AGMO: variants seen among roughly 807,000 people sequenced by gnomAD.
AGMO encodes the protein alkylglycerol monooxygenase.
A neutral mutation model predicts 60.2 loss-of-function variants in AGMO; 75 were observed. The ratio of observed to expected loss-of-function variants is 1.25; its 90% CI spans 1.03 to 1.51. AGMO has a LOEUF of 1.51. AGMO is among the 40% of genes most tolerant of loss of function. The probability of loss-of-function intolerance (pLI) is 0.00; values close to 1 mark genes in which losing one functional copy is unlikely to be tolerated. For missense variants in AGMO, 763 were observed against 525.5 expected (o/e 1.45, Z -4.42); for synonymous variants, 261 against 177.1 (o/e 1.47, Z -3.76).
At chr7:15,509,904 A>T (rs559730498) in intron 3 of AGMO, among the ~76,000 whole-genome samples, 7 of 152,322 alleles carry the variant, frequency 4.6e-5, no homozygotes, top group African/African-American at 1.7e-4. Context: ...TATTTTTAAA[A>T]GGCAGTAGAT....
chr7:15,378,471 G>A (rs1164082028), intron 10 of AGMO, among the ~76,000 whole-genome samples: 3 of 151,922 alleles, frequency 2.0e-5, no homozygotes, highest in Admixed American at 6.6e-5. Flanking sequence ...GTCCCTTTAT[G>A]GGATCAAATC....
intron 12 of AGMO, among the ~76,000 whole-genome samples, chr7:15,322,641 A>T (rs866191363): frequency 5.1e-4 from 26 of 50,628 alleles, no homozygotes; most frequent in East Asian, 1.3e-3. Flanking sequence ...AATATATATA[A>T]ATATATAAAT....
chr7:15,188,832 G>T, the AGMO span, among the ~76,000 whole-genome samples: 1 of 152,164 alleles, frequency 6.6e-6, no homozygotes, highest in African/African-American at 2.4e-5. Context: ...CTGATCGTTG[G>T]AGTTAACATC....
At chr7:15,222,345 A>AGAGCC (rs1781948434) in intron 12 of AGMO, among the ~76,000 whole-genome samples, 2 of 152,108 alleles carry the variant, frequency 1.3e-5, no homozygotes, top group South Asian at 4.1e-4. Context: ...GAATGAACTT[A>AGAGCC]GAGCCTGATG....
At chr7:15,154,430 C>CT in the AGMO span, among the ~76,000 whole-genome samples, 4 of 152,208 alleles carry the variant, frequency 2.6e-5, no homozygotes, top group East Asian at 7.7e-4. Flanking sequence ...GATAGCAACA[C>CT]TCTCTTTTGG....
rs775057626 is a variant in AGMO at position 15,342,172 on chromosome 7, TAAAAA to T, written c.1263+23337_1263+23341del. On this transcript the variant is annotated intron_variant, in intron 12 of 12. Transcript: ENST00000342526. ...AGCTGAGAGTAGATACCCACAGAGTTAAAAAAAAAAAAAAAAAAAAAAAAGGACTA... is the reference window on the plus strand; with the variant it reads ...AGCTGAGAGTAGATACCCACAGAGTTAAAAAAAAAAAAAAAAAAAGGACTA... Among the ~76,000 whole-genome samples, 325 of 54,302 alleles carry T rather than the reference TAAAAA, an allele frequency of 6.0e-3. 5 individuals carry two copies. The highest frequency in any genetic ancestry group is 0.028 in the African/African-American group (298 of 10,744). 35.6% of individuals were successfully genotyped at this position (54,302 alleles called of 152,430 possible). A position where few individuals can be genotyped will look rare whatever the true frequency, so the allele number is the denominator to read the frequency against.
At chr7:15,218,560 T>G (rs1781817255) in intron 12 of AGMO, among the ~76,000 whole-genome samples, 1 of 149,018 alleles carries the variant, frequency 6.7e-6, no homozygotes, top group South Asian at 2.1e-4. Flanking sequence ...AAAAAAATCT[T>G]AAAATATATT....
the AGMO span, among the ~76,000 whole-genome samples, chr7:15,149,595 T>C: frequency 3.3e-5 from 5 of 152,278 alleles, no homozygotes; most frequent in Middle Eastern, 3.4e-3. Flanking sequence ...CTTACTATTG[T>C]CCATTTTGTC....
At chr7:15,356,412 A>G (rs1480908208) in intron 12 of AGMO, among the ~76,000 whole-genome samples, 1 of 152,188 alleles carries the variant, frequency 6.6e-6, no homozygotes, top group East Asian at 1.9e-4. Flanking sequence ...TTTTTGCAGA[A>G]ATTTTATATA....
At chr7:15,422,260 G>A (rs1188992524) in intron 4 of AGMO, among the ~76,000 whole-genome samples, 1 of 151,400 alleles carries the variant, frequency 6.6e-6, no homozygotes, top group Non-Finnish European at 1.5e-5. Flanking sequence ...GGATGAGGGA[G>A]GAGATATTAC....
At chr7:15,415,940 G>A (rs1002459386) in intron 5 of AGMO, among the ~76,000 whole-genome samples, 1 of 151,066 alleles carries the variant, frequency 6.6e-6, no homozygotes, top group Non-Finnish European at 1.5e-5. Flanking sequence ...TTAAGCAACA[G>A]AGTAGAGTTT....
At chr7:15,459,182 C>T (rs376001309) in intron 3 of AGMO, among the ~76,000 whole-genome samples, 5 of 152,156 alleles carry the variant, frequency 3.3e-5, no homozygotes, top group South Asian at 2.1e-4. Flanking sequence ...GACACACACA[C>T]GGGTTTCGTC....
intron 12 of AGMO, among the ~76,000 whole-genome samples, chr7:15,218,296 A>G (rs1470939805): frequency 6.6e-6 from 1 of 151,114 alleles, no homozygotes; most frequent in Non-Finnish European, 1.5e-5. Context: ...GGAATGAGAG[A>G]CATTAATACT....
chr7:15,550,788 A>G (rs1399144853), intron 2 of AGMO, among the ~76,000 whole-genome samples: 8 of 140,216 alleles, frequency 5.7e-5, no homozygotes, highest in Non-Finnish European at 1.2e-4. Flanking sequence ...ATCAATAGAA[A>G]AAGAGGGAAT....
chr7:15,354,450 G>A lies in AGMO; in HGVS notation c.1263+11064C>T, dbSNP rs781135172. ...CACACGTGTGTGTATACACACGTGT[G>A]TGTATACACACGTGTGTGTATACAC... On this transcript the variant is annotated intron_variant, in intron 12 of 12. Coordinates refer to ENST00000342526, the MANE Select transcript of AGMO (RefSeq NM_001004320.2). 1.4e-3 allele frequency among the ~76,000 whole-genome samples: 28 copies of A among 20,108 alleles called. 1 individual carries two copies. The highest frequency in any genetic ancestry group is 2.9e-3 in the African/African-American group (8 of 2,750). 13.2% of individuals were successfully genotyped at this position (20,108 alleles called of 152,430 possible). A position where few individuals can be genotyped will look rare whatever the true frequency, so the allele number is the denominator to read the frequency against.
the AGMO span, among the ~76,000 whole-genome samples, chr7:15,149,587 T>G: frequency 6.6e-6 from 1 of 152,166 alleles, no homozygotes. Flanking sequence ...CCCTATTGCT[T>G]ACTATTGTCC....
chr7:15,309,031 T>C (rs1780690974), intron 12 of AGMO, among the ~76,000 whole-genome samples: 2 of 152,172 alleles, frequency 1.3e-5, no homozygotes, highest in Non-Finnish European at 2.9e-5. Flanking sequence ...ATCCCAAGTA[T>C]TCAGGCACTG....
At chr7:15,486,824 G>C (rs576334839) in intron 3 of AGMO, among the ~76,000 whole-genome samples, 8 of 152,224 alleles carry the variant, frequency 5.3e-5, no homozygotes, top group Non-Finnish European at 1.0e-4. Flanking sequence ...CTAAAAAATA[G>C]ACAAAATCAT....
the AGMO span, among the ~76,000 whole-genome samples, chr7:15,181,744 G>T: frequency 6.6e-6 from 1 of 152,076 alleles, no homozygotes; most frequent in African/African-American, 2.4e-5. Context: ...GTTCTGATTT[G>T]CTTTATATAG....
Sources: gnomAD v4.1 joint callset for allele counts (sites outside exome capture counted in the v4.1 genomes callset) on GRCh38, gnomAD v4.1.1 for gene constraint, MANE v1.5 for transcripts, NCBI Gene and HGNC (gene_info 2026-07-23, HGNC 2026-07-21) for gene names.